Variants in ADGRL3 observed in about 807,000 individuals in gnomAD.
ADGRL3 encodes adhesion G protein-coupled receptor L3.
ADGRL3 carries 62 observed loss-of-function variants against 153.5 expected under a neutral mutation model. That is an observed-to-expected ratio of 0.40 (90% confidence interval 0.33 to 0.50). The LOEUF (loss-of-function observed/expected upper bound fraction) is 0.50. Among genes scored for constraint, ADGRL3 ranks in the 20% least tolerant of loss-of-function variants. The pLI is 0.47. For synonymous variants in ADGRL3, 710 were observed against 672.5 expected, an observed-to-expected ratio of 1.06 and a Z score of -0.86; for missense variants, 1,641 against 1,859.4, an observed-to-expected ratio of 0.88 and a Z score of 2.16.
Position 61,259,530 on chromosome 4 carries a change from C to T in ADGRL3, c.-240+57765C>T, listed in dbSNP as rs1052511829. Among the ~76,000 whole-genome samples the T allele has an allele frequency of 7.9e-5, 12 of 152,042 alleles. 1 individual carries two copies. Among genetic ancestry groups the T allele is most frequent in the Non-Finnish European group, 2.9e-5 (2 of 67,998 alleles). ...GTATTGGTCAGGCTTCTTCCTAATT[C>T]TAAGCAAACTCAACAAAGCAATTGT... On this transcript the variant is annotated intron_variant, in intron 1 of 26. Coordinates refer to ENST00000683033, the MANE Select transcript of ADGRL3 (RefSeq NM_001387552.1).
At chr4:61,765,295 G>A (rs2096963191) in intron 8 of ADGRL3, among the ~76,000 whole-genome samples, 1 of 152,080 alleles carries the variant, frequency 6.6e-6, no homozygotes, top group Non-Finnish European at 1.5e-5. Flanking sequence ...AAGTTGGTCT[G>A]GTGTCTGGAA....
chr4:61,324,563 T>C (rs1288213506), intron 1 of ADGRL3, among the ~76,000 whole-genome samples: 1 of 152,198 alleles, frequency 6.6e-6, no homozygotes, highest in East Asian at 1.9e-4. Flanking sequence ...GCAAAATCTT[T>C]AGATTATAAA....
At chr4:61,371,777 T>G (rs1407126687) in intron 1 of ADGRL3, among the ~76,000 whole-genome samples, 1 of 152,150 alleles carries the variant, frequency 6.6e-6, no homozygotes, top group Non-Finnish European at 1.5e-5. Flanking sequence ...AATGTTGGCC[T>G]GCCTTGCTAG....
intron 1 of ADGRL3, among the ~76,000 whole-genome samples, chr4:61,299,772 A>G (rs1017977791): frequency 4.6e-5 from 7 of 152,124 alleles, no homozygotes; most frequent in African/African-American, 1.7e-4. Context: ...TATGTTGTAC[A>G]TTTTCCCAGT....
intron 17 of ADGRL3, among the ~76,000 whole-genome samples, chr4:61,973,702 T>G (rs192337413): frequency 2.0e-5 from 3 of 152,216 alleles, no homozygotes. Context: ...TTTATTTTTT[T>G]TTAATGAGTT....
intron 5 of ADGRL3, among the ~76,000 whole-genome samples, chr4:61,589,554 T>A (rs890317845): frequency 2.0e-5 from 3 of 152,102 alleles, no homozygotes; most frequent in Non-Finnish European, 2.9e-5. Context: ...CATGTTTTTT[T>A]AAAAGGTATC....
At chr4:61,380,925 C>G (rs926607529) in intron 1 of ADGRL3, among the ~76,000 whole-genome samples, 4 of 151,776 alleles carry the variant, frequency 2.6e-5, no homozygotes, top group Admixed American at 2.6e-4. Context: ...GATATAATAC[C>G]TTTTCCTGCC....
At chr4:61,871,267 G>C (rs2098443947) in intron 9 of ADGRL3, among the ~76,000 whole-genome samples, 1 of 148,120 alleles carries the variant, frequency 6.8e-6, no homozygotes, top group Non-Finnish European at 1.5e-5. Context: ...GACAGAGTGA[G>C]ACTCCATCTC....
At chr4:62,025,104 T>C (rs1717710290) in intron 21 of ADGRL3, among the ~76,000 whole-genome samples, 1 of 152,124 alleles carries the variant, frequency 6.6e-6, no homozygotes, top group South Asian at 2.1e-4. Context: ...AACCATTTGA[T>C]TGAACATTTT....
chr4:61,236,748 T>C (rs1198017189), intron 1 of ADGRL3, among the ~76,000 whole-genome samples: 1 of 152,186 alleles, frequency 6.6e-6, no homozygotes, highest in Non-Finnish European at 1.5e-5. Context: ...AATAATTTCT[T>C]TGAAATATAA....
chr4:61,518,750 C>A (rs923265950), intron 4 of ADGRL3, among the ~76,000 whole-genome samples: 1 of 152,072 alleles, frequency 6.6e-6, no homozygotes, highest in South Asian at 2.1e-4. Context: ...AAGTGGTGGG[C>A]GAGGCCATGC....
chr4:62,003,244 T>C (rs2099146619), intron 21 of ADGRL3, among the ~76,000 whole-genome samples: 1 of 152,154 alleles, frequency 6.6e-6, no homozygotes, highest in Admixed American at 6.6e-5. Flanking sequence ...CGGGTCATGT[T>C]TTCTGATTTC....
At chr4:61,399,562 AAGT>A (rs951669466) in intron 2 of ADGRL3, among the ~76,000 whole-genome samples, 43 of 151,620 alleles carry the variant, frequency 2.8e-4, no homozygotes, top group Admixed American at 1.2e-3. Context: ...ATAAAAGTAG[AAGT>A]TGTCAACAAA....
intron 2 of ADGRL3, among the ~76,000 whole-genome samples, chr4:61,399,970 C>T (rs2096910849): frequency 6.6e-6 from 1 of 151,580 alleles, no homozygotes; most frequent in Non-Finnish European, 1.5e-5. Flanking sequence ...GCGATGAGTA[C>T]CAAGGCATAT....
intron 2 of ADGRL3, among the ~76,000 whole-genome samples, chr4:61,390,636 C>T (rs1336267502): frequency 2.0e-5 from 3 of 151,998 alleles, no homozygotes; most frequent in African/African-American, 7.2e-5. Context: ...ATAGATACAC[C>T]CATGCAACCA....
rs932877031 is a variant in ADGRL3, at chr4:62,070,515, C to A, written c.4239C>A (p.Asn1413Lys). ...CCCCAAGAGTATACTCCACCGAGAA[C>A]CACCAGCCACACCATTATACCAGAA... The part of the protein sequence containing the change: ...LLPPRVYSTE[N>K]HQPHHYTRRR... Residue 1413 changes from asparagine to lysine, a missense_variant, in exon 27 of 27, where the codon AAC (asparagine) becomes AAA (lysine). Asn to Lys is a moderately conservative substitution (Grantham distance 94). Transcript: ENST00000683033. 3 of 1,551,378 alleles carry A rather than the reference C, an allele frequency of 1.9e-6. No homozygotes were observed. The highest frequency in any genetic ancestry group is 2.6e-6 in the Non-Finnish European group (3 of 1,146,916).
At chr4:62,057,983 A>T (rs1737993438) in intron 25 of ADGRL3, among the ~76,000 whole-genome samples, 1 of 152,158 alleles carries the variant, frequency 6.6e-6, no homozygotes, top group South Asian at 2.1e-4. Flanking sequence ...CATGCTTGAT[A>T]CACATATGTT....
intron 25 of ADGRL3, among the ~76,000 whole-genome samples, chr4:62,064,391 G>A (rs1263469964): frequency 2.0e-5 from 3 of 150,422 alleles, no homozygotes; most frequent in African/African-American, 4.9e-5. Flanking sequence ...GTAAGCATTC[G>A]GACATGGTTT....
chr4:61,294,660 A>G (rs1302551551), intron 1 of ADGRL3, among the ~76,000 whole-genome samples: 1 of 152,102 alleles, frequency 6.6e-6, no homozygotes, highest in Non-Finnish European at 1.5e-5. Context: ...GAGGCATCTT[A>G]TCATTGTTGA....
Sources: allele counts gnomAD v4.1 joint callset (sites outside exome capture counted in the v4.1 genomes callset), GRCh38; gene constraint gnomAD v4.1.1; transcripts MANE v1.5; gene names NCBI Gene and HGNC (gene_info 2026-07-23, HGNC 2026-07-21).